Variants in XRCC3 observed in about 807,000 individuals in gnomAD.
XRCC3 encodes the protein DNA repair protein XRCC3.
Under a neutral mutation model 29.2 loss-of-function variants are expected in XRCC3, and 34 were observed. That is an observed-to-expected ratio of 1.16 (90% CI 0.88 to 1.55). The LOEUF is 1.55. Among genes scored for constraint, XRCC3 ranks in the 40% most tolerant of loss-of-function variants. XRCC3 has a pLI of 0.00. For missense variants in XRCC3, 463 were observed against 467.6 expected, an observed-to-expected ratio of 0.99 and a Z score of 0.09; for synonymous variants, 223 against 211.3, an observed-to-expected ratio of 1.06 and a Z score of -0.48.
Position 103,707,611 on chromosome 14 carries a change from T to G in XRCC3, c.194-396A>C, listed in dbSNP as rs893046782. 187 of 342,596 alleles carry G rather than the reference T, an allele frequency of 5.5e-4. 2 individuals carry two copies. The highest frequency in any genetic ancestry group is 8.5e-5 in the Admixed American group (2 of 23,616). The allele number at this position is 342,596 out of a possible 1,614,324, so 21.2% of individuals were successfully genotyped here. A position where few individuals can be genotyped will look rare whatever the true frequency, so the allele number is the denominator to read the frequency against. On this transcript the variant is annotated intron_variant, in intron 5 of 9. Coordinates refer to ENST00000555055, the MANE Select transcript of XRCC3 (RefSeq NM_005432.4). ...CTGAACAGTTCTCAAGCGGCTTTAATGGGCTCCCGCAGGCGCGCACACATG... is the reference window on the plus strand; with the variant it reads ...CTGAACAGTTCTCAAGCGGCTTTAAGGGGCTCCCGCAGGCGCGCACACATG...
chr14:103,703,031 C>T, intron 7 of XRCC3, 142 bp downstream of exon 7: 3 of 1,327,268 alleles, frequency 2.3e-6, no homozygotes, highest in African/African-American at 1.4e-5. Context: ...GGCGTAAACC[C>T]CCATGACCCA....
At chr14:103,706,971 G>A (rs1167119065) in intron 6 of XRCC3, 32 bp downstream of exon 6, 3 of 1,536,994 alleles carry the variant, frequency 2.0e-6, no homozygotes, top group Non-Finnish European at 2.6e-6. Context: ...CCGCCCACCT[G>A]CCCAGACCCC....
At chr14:103,699,640 C>T (rs1476626042) in intron 7 of XRCC3, 64 bp from the exon 8 acceptor site, 14 of 1,539,344 alleles carry the variant, frequency 9.1e-6, no homozygotes, top group Middle Eastern at 1.7e-4. Context: ...GACCAGACCC[C>T]GTTTGGACTG....
intron 7 of XRCC3, chr14:103,700,311 G>A (rs552426702): frequency 1.5e-5 from 4 of 268,984 alleles, no homozygotes; most frequent in Admixed American, 5.2e-5. Context: ...TCCAGGGGAG[G>A]ACCCCCCCAG....
At chr14:103,699,823 C>A (rs1046690020) in intron 7 of XRCC3, 77 of 558,532 alleles carry the variant, frequency 1.4e-4, no homozygotes, top group African/African-American at 8.4e-4. Flanking sequence ...CTGGCCCCCC[C>A]AGGCAGTCAC....
intron 1 of XRCC3, chr14:103,713,395 G>A (rs1021412839): frequency 2.0e-5 from 3 of 152,446 alleles, no homozygotes; most frequent in Admixed American, 2.0e-4. Context: ...CCGCTGTGAG[G>A]GGCAGGGGTG....
intron 5 of XRCC3, chr14:103,707,661 G>A (rs2083482297): frequency 3.7e-6 from 1 of 269,464 alleles, no homozygotes. Context: ...TCAGTTCTCT[G>A]TGACAGATAC....
intron 7 of XRCC3, chr14:103,700,103 C>T (rs965482041): frequency 2.4e-5 from 5 of 210,482 alleles, no homozygotes; most frequent in Admixed American, 1.6e-4. Flanking sequence ...GTTACTCAGG[C>T]GAGTCAGGCC....
chr14:103,701,331 G>GTGCATA, intron 7 of XRCC3: 1 of 997,150 alleles, frequency 1.0e-6, no homozygotes, highest in East Asian at 2.6e-5. Flanking sequence ...CTGCGTCTGT[G>GTGCATA]TGCATAGGAC....
chr14:103,707,459 C>T, intron 5 of XRCC3: 1 of 586,004 alleles, frequency 1.7e-6, no homozygotes, highest in Non-Finnish European at 3.1e-6. Context: ...CGCAGGGATC[C>T]CCCTATGGGG....
Position 103,698,824 on chromosome 14 carries a change from C to G in XRCC3, c.1015G>C (p.Gly339Arg). The change falls in exon 10 of 10, where the codon GGG becomes CGG. Residue 339 changes from glycine (G) to arginine (R), a missense_variant. Gly to Arg is a moderately radical substitution (Grantham distance 125, BLOSUM62 -2). Coordinates refer to ENST00000555055, the MANE Select transcript of XRCC3 (RefSeq NM_005432.4). Reference sequence around the variant, plus strand: ...CAGTGGGACTGGGTCCCAGGTGTCCCTCGCACCCCTTCGGCACTGATCGTG... The same window carrying G: ...CAGTGGGACTGGGTCCCAGGTGTCCGTCGCACCCCTTCGGCACTGATCGTG... Reference protein sequence around the residue: ...SYTISAEGVRGTPGTQSH With the variant: ...SYTISAEGVRRTPGTQSH 1 of 1,604,278 alleles carries G rather than the reference C, an allele frequency of 6.2e-7. No individual in the cohort carries two copies. Among genetic ancestry groups the G allele is most frequent in the Non-Finnish European group, 8.5e-7 (1 of 1,176,160 alleles).
intron 6 of XRCC3, chr14:103,704,922 C>T (rs913200453): frequency 5.9e-5 from 9 of 152,198 alleles, no homozygotes; most frequent in African/African-American, 1.2e-4. Flanking sequence ...CACGGGGCGT[C>T]GTCCTGTTCC....
intron 7 of XRCC3, chr14:103,700,474 T>G: frequency 1.9e-6 from 1 of 536,844 alleles, no homozygotes. Context: ...CCAAGCAGTG[T>G]AGTTCAGGCC....
chr14:103,705,837 G>A (rs1367020180), intron 6 of XRCC3: 7 of 161,548 alleles, frequency 4.3e-5, no homozygotes, highest in Non-Finnish European at 6.8e-5. Context: ...CACGGAGGAC[G>A]CTGGAGAATG....
chr14:103,706,976 G>C (rs1231559113), intron 6 of XRCC3, 27 bp downstream of exon 6: 31 of 1,538,732 alleles, frequency 2.0e-5, no homozygotes, highest in Non-Finnish European at 2.7e-5. Context: ...CACCTGCCCA[G>C]ACCCCACGGA....
chr14:103,708,712 G>A, intron 4 of XRCC3, 53 bp from the exon 5 acceptor site: 3 of 1,610,966 alleles, frequency 1.9e-6, no homozygotes, highest in Admixed American at 1.7e-5. Flanking sequence ...ACAACGCAGG[G>A]CAACACAGTG....
Position 103,707,508 on chromosome 14 carries a change from A to G in XRCC3, c.194-293T>C, listed in dbSNP as rs544231043. 9.7e-6 allele frequency: 5 copies of G among 516,134 alleles called. No homozygotes were observed. In the East Asian group the frequency reaches 1.4e-4, roughly 14 times the overall value. The allele number at this position is 516,134 out of a possible 1,614,324, so 32.0% of individuals were successfully genotyped here. On this transcript the variant is annotated intron_variant, in intron 5 of 9. Coordinates refer to ENST00000555055, the MANE Select transcript of XRCC3 (RefSeq NM_005432.4). ...AGACGCCTTCAGCCAAAGCTTCCAG[A>G]GAGCCCCGAGGCGCTCCCTAACAGC...
chr14:103,708,058 C>A (rs568700397), intron 5 of XRCC3: 1 of 280,848 alleles, frequency 3.6e-6, no homozygotes, highest in Admixed American at 4.9e-5. Flanking sequence ...CCGCTGCCTA[C>A]TAGGGCCTGC....
chr14:103,711,166 C>T lies in XRCC3; in HGVS notation c.-79G>A. The T allele has an allele frequency of 4.6e-6, 7 of 1,532,696 alleles. No homozygotes were observed. Among genetic ancestry groups the T allele is most frequent in the Admixed American group, 1.7e-5 (1 of 59,410 alleles). 94.9% of individuals were successfully genotyped at this position (1,532,696 alleles called of 1,614,324 possible). On this transcript the variant is annotated 5_prime_UTR_variant, in exon 4 of 10. Coordinates refer to ENST00000555055, the MANE Select transcript of XRCC3 (RefSeq NM_005432.4). ...ATGGATGCAAATTCTGAGGCACTCG[C>T]CTTCAATTCAAAGCCTGTGGGAGGC...
Sources: gnomAD v4.1 joint callset for allele counts on GRCh38, gnomAD v4.1.1 for gene constraint, MANE v1.5 for transcripts, NCBI Gene and HGNC (gene_info 2026-07-23, HGNC 2026-07-21) for gene names.